Variants in FNIP2 observed in about 807,000 individuals in gnomAD.
FNIP2 encodes the protein folliculin-interacting protein 2.
A neutral mutation model predicts 108.7 loss-of-function variants in FNIP2; 32 were observed. The observed-to-expected ratio is 0.29, with a 90% CI of 0.22 to 0.40. The LOEUF is 0.40. FNIP2 is among the 10% of genes least tolerant of loss of function. The pLI, the probability that FNIP2 is intolerant of heterozygous loss-of-function variation, is 1.00. For missense variants in FNIP2, 1,202 were observed against 1,381.6 expected (o/e 0.87, Z 2.06); for synonymous variants, 480 against 496.7 (o/e 0.97, Z 0.45).
At chr4:158,796,439 A>G (rs912930163) in intron 1 of FNIP2, among the ~76,000 whole-genome samples, 5 of 152,164 alleles carry the variant, frequency 3.3e-5, no homozygotes, top group Admixed American at 1.3e-4. Flanking sequence ...TGATGAGTCT[A>G]TCTCAGAGTG....
Position 158,905,707 on chromosome 4 carries a change from AAAAC to A in FNIP2, c.*1166_*1169del, listed in dbSNP as rs1055256938. ...CTAAAGTTCATGCAAAAAAAAAAAA[AAAAC>A]AACCTAATTTTCTGTTAATATAAAA... On this transcript the variant is annotated 3_prime_UTR_variant, in exon 17 of 17. Transcript: ENST00000264433. 6.6e-6 allele frequency: 1 copy of A among 151,810 alleles called. No individual in the cohort carries two copies. The highest frequency in any genetic ancestry group is 2.4e-5 in the African/African-American group (1 of 41,128). The allele number at this position is 151,810 out of a possible 1,614,324, so 9.4% of individuals were successfully genotyped here. A position where few individuals can be genotyped will look rare whatever the true frequency, so the allele number is the denominator to read the frequency against.
chr4:158,893,599 G>T, intron 15 of FNIP2: 4 of 1,019,562 alleles, frequency 3.9e-6, no homozygotes, highest in Non-Finnish European at 5.9e-6. Context: ...CTGTCCTGGG[G>T]CAATATGAGA....
chr4:158,788,894 A>G (rs1031589177), intron 1 of FNIP2, among the ~76,000 whole-genome samples: 9 of 152,202 alleles, frequency 5.9e-5, no homozygotes, highest in Admixed American at 6.5e-5. Context: ...TTGACTCCTT[A>G]CCTTCCATGC....
At chr4:158,817,129 G>GT (rs1343164386) in intron 1 of FNIP2, among the ~76,000 whole-genome samples, 1 of 151,968 alleles carries the variant, frequency 6.6e-6, no homozygotes. Context: ...ACCTCTGTGG[G>GT]TTTTTTAAGC....
At chr4:158,820,769 T>G (rs1247884890) in intron 1 of FNIP2, among the ~76,000 whole-genome samples, 1 of 152,238 alleles carries the variant, frequency 6.6e-6, no homozygotes, top group Admixed American at 6.5e-5. Flanking sequence ...CTGTTCATTA[T>G]TCCTTCTGTG....
chr4:158,783,835 A>G (rs1180906301), intron 1 of FNIP2, among the ~76,000 whole-genome samples: 4 of 152,178 alleles, frequency 2.6e-5, no homozygotes, highest in Admixed American at 2.0e-4. Context: ...TGAGGTTTGC[A>G]TCAAAACTTA....
intron 1 of FNIP2, among the ~76,000 whole-genome samples, chr4:158,793,214 G>A (rs906641315): frequency 1.3e-5 from 2 of 152,234 alleles, no homozygotes; most frequent in Non-Finnish European, 2.9e-5. Context: ...CAATTGGAAT[G>A]TGCCTACAAG....
intron 1 of FNIP2, among the ~76,000 whole-genome samples, chr4:158,773,863 G>T (rs1395948860): frequency 6.6e-6 from 1 of 152,104 alleles, no homozygotes; most frequent in African/African-American, 2.4e-5. Flanking sequence ...TAGAAATATG[G>T]TGTGTTTGTT....
intron 7 of FNIP2, among the ~76,000 whole-genome samples, chr4:158,838,650 C>G (rs1004012615): frequency 6.6e-6 from 1 of 152,140 alleles, no homozygotes; most frequent in Admixed American, 6.5e-5. Flanking sequence ...TCCCATATAA[C>G]CTGCCCTCAG....
intron 12 of FNIP2, among the ~76,000 whole-genome samples, chr4:158,862,538 AT>A (rs1427061075): frequency 1.6e-4 from 24 of 152,256 alleles, no homozygotes; most frequent in Admixed American, 1.6e-3. Context: ...GTTAACAAAT[AT>A]AAAATTACAA....
intron 3 of FNIP2, 51 bp downstream of exon 3, chr4:158,829,276 T>A: frequency 6.8e-7 from 1 of 1,470,162 alleles, no homozygotes; most frequent in Non-Finnish European, 9.1e-7. Flanking sequence ...AGTTATTTAC[T>A]GTAATTTCTC....
Position 158,904,617 on chromosome 4 carries a change from C to T in FNIP2, c.*73C>T. On this transcript the variant is annotated 3_prime_UTR_variant, in exon 17 of 17. Transcript: ENST00000264433. ...CAACTGAAGGAGAAAGGAATAAGCT[C>T]TCTGTGATGTCAAAAGCATGAGAAG... 1 of 1,276,460 alleles carries T rather than the reference C, an allele frequency of 7.8e-7. No individual in the cohort carries two copies. The highest frequency in any genetic ancestry group is 1.1e-6 in the Non-Finnish European group (1 of 888,960). The allele number at this position is 1,276,460 out of a possible 1,614,324, so 79.1% of individuals were successfully genotyped here.
At chr4:158,865,769 A>T (rs546830718) in intron 12 of FNIP2, among the ~76,000 whole-genome samples, 1 of 152,308 alleles carries the variant, frequency 6.6e-6, no homozygotes, top group African/African-American at 2.4e-5. Context: ...AGGTTTTCTC[A>T]AACAAAAGTC....
At chr4:158,791,810 T>C (rs983602846) in intron 1 of FNIP2, among the ~76,000 whole-genome samples, 2 of 152,172 alleles carry the variant, frequency 1.3e-5, no homozygotes, top group African/African-American at 4.8e-5. Context: ...GAGGGTTATA[T>C]ACATCAGTAA....
intron 14 of FNIP2, among the ~76,000 whole-genome samples, chr4:158,880,480 T>C (rs1224195465): frequency 6.6e-6 from 1 of 152,108 alleles, no homozygotes; most frequent in Non-Finnish European, 1.5e-5. Context: ...TTAGGAGATA[T>C]ACCTAATGTA....
chr4:158,878,952 C>T (rs1781435827), intron 14 of FNIP2, among the ~76,000 whole-genome samples: 1 of 144,756 alleles, frequency 6.9e-6, no homozygotes, highest in African/African-American at 2.6e-5. Flanking sequence ...AGATTAAATA[C>T]AGCTAAAGAT....
chr4:158,801,113 TA>T (rs373481897), intron 1 of FNIP2, among the ~76,000 whole-genome samples: 12 of 150,148 alleles, frequency 8.0e-5, no homozygotes, highest in Non-Finnish European at 1.2e-4. Context: ...TTGTGTGGAT[TA>T]AAAAAAAAAT....
At chr4:158,896,984 A>G (rs1191886668) in intron 16 of FNIP2, among the ~76,000 whole-genome samples, 1 of 151,882 alleles carries the variant, frequency 6.6e-6, no homozygotes, top group African/African-American at 2.4e-5. Context: ...TCCTAATGCT[A>G]TCCCACCCCC....
At position 158,885,798 on chromosome 4, in the gene FNIP2, G is replaced by A. The variant is rs917921900; in HGVS notation, c.2950-5648G>A. ...TGAGGTTCCACAGCTGGTAAGTGAC[G>A]GTGGTTGTATTCAAGCCCAATCTGA... On this transcript the variant is annotated intron_variant, in intron 14 of 16. Coordinates refer to ENST00000264433, the MANE Select transcript of FNIP2 (RefSeq NM_020840.3). Among the ~76,000 whole-genome samples the A allele has an allele frequency of 3.9e-5, 6 of 152,298 alleles. No individual in the cohort carries two copies. In the East Asian group the frequency reaches 1.2e-3, roughly 29 times the overall value.
Sources: allele counts gnomAD v4.1 joint callset (sites outside exome capture counted in the v4.1 genomes callset), GRCh38; gene constraint gnomAD v4.1.1; transcripts MANE v1.5; gene names NCBI Gene and HGNC (gene_info 2026-07-23, HGNC 2026-07-21).